RGS6: variants seen among roughly 807,000 people sequenced by gnomAD.
The protein encoded by RGS6 is regulator of G protein signaling 6, also known as regulator of G-protein signaling 6.
RGS6 carries 30 observed loss-of-function variants against 78.5 expected under a neutral mutation model. The observed-to-expected ratio is 0.38, with a 90% CI of 0.29 to 0.52. The LOEUF (loss-of-function observed/expected upper bound fraction) is 0.52. RGS6 is among the 20% of genes least tolerant of loss of function. The pLI, the probability that RGS6 is intolerant of heterozygous loss-of-function variation, is 0.85. For missense variants in RGS6, 495 were observed against 609.7 expected (o/e 0.81, Z 1.98); for synonymous variants, 206 against 206.0 (o/e 1.00, Z 0.00).
At chr14:72,451,458 T>G (rs2095491096) in intron 3 of RGS6, among the ~76,000 whole-genome samples, 1 of 151,208 alleles carries the variant, frequency 6.6e-6, no homozygotes, top group African/African-American at 2.4e-5. Flanking sequence ...CAAAAGCGGG[T>G]GGAAACCCAG....
chr14:72,219,124 G>T (rs2046283803), intron 2 of RGS6, among the ~76,000 whole-genome samples: 2 of 151,894 alleles, frequency 1.3e-5, no homozygotes, highest in South Asian at 4.2e-4. Context: ...GCATTAAATT[G>T]ACCACCAAAA....
the RGS6 span, among the ~76,000 whole-genome samples, chr14:72,612,993 CGTGTGTGTGT>C: frequency 2.7e-3 from 397 of 148,948 alleles, no homozygotes; most frequent in South Asian, 5.7e-3. Context: ...TTAAGTAGGG[CGTGTGTGTGT>C]GTGTGTGTGT....
chr14:72,378,142 TA>T (rs2085219203), intron 3 of RGS6, among the ~76,000 whole-genome samples: 4 of 152,138 alleles, frequency 2.6e-5, no homozygotes, highest in Admixed American at 2.6e-4. Context: ...AAGTGAAATT[TA>T]AAAATTCCTT....
chr14:72,489,523 A>G (rs1005011794), intron 12 of RGS6, among the ~76,000 whole-genome samples: 11 of 152,216 alleles, frequency 7.2e-5, no homozygotes, highest in Non-Finnish European at 1.5e-4. Flanking sequence ...TCAGTTAAGG[A>G]TATCTACATA....
the RGS6 span, among the ~76,000 whole-genome samples, chr14:71,903,278 C>T: frequency 1.3e-5 from 2 of 152,180 alleles, no homozygotes; most frequent in South Asian, 4.1e-4. Flanking sequence ...GGTTGAGGTC[C>T]TTGAGAACAA....
chr14:72,438,834 C>T (rs2095059196), intron 3 of RGS6, among the ~76,000 whole-genome samples: 2 of 152,242 alleles, frequency 1.3e-5, no homozygotes, highest in Non-Finnish European at 1.5e-5. Flanking sequence ...CCTTCCAGGA[C>T]TTTCTATTTC....
intron 3 of RGS6, among the ~76,000 whole-genome samples, chr14:72,361,060 G>A (rs1018506366): frequency 2.7e-5 from 4 of 148,058 alleles, no homozygotes; most frequent in South Asian, 4.3e-4. Flanking sequence ...CTAGCCATAC[G>A]GAACTGTGAT....
chr14:72,457,558 C>CT (rs2095663856), intron 4 of RGS6, among the ~76,000 whole-genome samples: 1 of 152,164 alleles, frequency 6.6e-6, no homozygotes, highest in Non-Finnish European at 1.5e-5. Flanking sequence ...CTCTGGATTA[C>CT]AGGCGTGAGC....
the RGS6 span, among the ~76,000 whole-genome samples, chr14:72,581,849 T>C: frequency 6.6e-6 from 1 of 152,200 alleles, no homozygotes; most frequent in South Asian, 2.1e-4. Context: ...TGTGTTGCTA[T>C]AACAGAATAC....
chr14:72,411,076 T>C (rs1031368898), intron 3 of RGS6, among the ~76,000 whole-genome samples: 1 of 152,202 alleles, frequency 6.6e-6, no homozygotes, highest in African/African-American at 2.4e-5. Flanking sequence ...CCATATGAAC[T>C]TTAAAGTAGT....
intron 2 of RGS6, among the ~76,000 whole-genome samples, chr14:72,115,981 C>G (rs975664642): frequency 6.6e-6 from 1 of 152,156 alleles, no homozygotes; most frequent in African/African-American, 2.4e-5. Context: ...GTTCTGTATT[C>G]CCTGTTAAGG....
chr14:72,343,822 A>G (rs1473986697), intron 2 of RGS6, among the ~76,000 whole-genome samples: 1 of 152,198 alleles, frequency 6.6e-6, no homozygotes, highest in East Asian at 1.9e-4. Flanking sequence ...TTTTCTGTAA[A>G]GGAGTGATGG....
At chr14:71,881,816 T>A in the RGS6 span, among the ~76,000 whole-genome samples, 4 of 152,344 alleles carry the variant, frequency 2.6e-5, no homozygotes, top group South Asian at 4.1e-4. Flanking sequence ...TAAAGGTGTA[T>A]CTGACAATTG....
intron 2 of RGS6, among the ~76,000 whole-genome samples, chr14:72,210,613 G>GT (rs911430025): frequency 9.7e-4 from 147 of 152,268 alleles, no homozygotes; most frequent in African/African-American, 3.5e-3. Flanking sequence ...GGGATGGGAG[G>GT]TAGCACTTCC....
chr14:72,298,292 C>T (rs188142300), intron 2 of RGS6, among the ~76,000 whole-genome samples: 41 of 152,050 alleles, frequency 2.7e-4, no homozygotes, highest in Non-Finnish European at 4.9e-4. Context: ...GGATGTTAAA[C>T]AGCCTTTCAT....
intron 2 of RGS6, among the ~76,000 whole-genome samples, chr14:72,196,714 C>G (rs1458124499): frequency 6.6e-6 from 1 of 152,236 alleles, no homozygotes; most frequent in South Asian, 2.1e-4. Flanking sequence ...GTTTCTCTTG[C>G]ATCTGTCAAG....
At chr14:72,403,358 A>G (rs2092642445) in intron 3 of RGS6, among the ~76,000 whole-genome samples, 1 of 152,244 alleles carries the variant, frequency 6.6e-6, no homozygotes, top group Non-Finnish European at 1.5e-5. Flanking sequence ...ACAGAAAGAC[A>G]AATACCATAT....
intron 2 of RGS6, among the ~76,000 whole-genome samples, chr14:72,344,619 G>C (rs182439736): frequency 6.6e-6 from 1 of 152,112 alleles, no homozygotes; most frequent in Admixed American, 6.5e-5. Context: ...GTATTCATTC[G>C]TTCATTGATG....
rs567843902 is a variant in RGS6, at chr14:72,199,860, A to G, written c.85-152235A>G. ...CACAGCCCACAGTCTGTTTTTGTTAATAAAATTGTATTGGAATTTAGGCAC... is the reference window on the plus strand; with the variant it reads ...CACAGCCCACAGTCTGTTTTTGTTAGTAAAATTGTATTGGAATTTAGGCAC... On this transcript the variant is annotated intron_variant, in intron 2 of 17. Coordinates refer to ENST00000553525, the MANE Select transcript of RGS6 (RefSeq NM_001204424.2). Among the ~76,000 whole-genome samples, 19 of 152,334 alleles carry G rather than the reference A, an allele frequency of 1.2e-4. No individual in the cohort carries two copies. In the East Asian group the frequency reaches 2.5e-3, roughly 20 times the overall value.
Sources: allele counts gnomAD v4.1 joint callset (sites outside exome capture counted in the v4.1 genomes callset), GRCh38; gene constraint gnomAD v4.1.1; transcripts MANE v1.5; gene names NCBI Gene and HGNC (gene_info 2026-07-23, HGNC 2026-07-21).